The following PARD3 variants were observed in gnomAD, a reference collection of about 807,000 sequenced individuals.
PARD3 encodes par-3 family cell polarity regulator.
In PARD3, 75 loss-of-function variants were observed where a neutral mutation model predicts 155.4. That is an observed-to-expected ratio of 0.48 (90% CI 0.40 to 0.58). The LOEUF is 0.58. PARD3 is among the 20% of genes least tolerant of loss of function. The pLI, the probability that PARD3 is intolerant of heterozygous loss-of-function variation, is 0.00. For missense variants in PARD3, 1,642 were observed against 1,721.7 expected (o/e 0.95, Z 0.82); for synonymous variants, 576 against 610.5 (o/e 0.94, Z 0.83).
intron 2 of PARD3, among the ~76,000 whole-genome samples, chr10:34,548,210 CG>C (rs1400168353): frequency 6.6e-6 from 1 of 152,106 alleles, no homozygotes; most frequent in Non-Finnish European, 1.5e-5. Context: ...TATGGGCAGG[CG>C]GGCGTGGTGG....
chr10:34,341,544 A>C (rs1000358574), intron 16 of PARD3, 83 bp downstream of exon 16: 98 of 1,010,810 alleles, frequency 9.7e-5, no homozygotes, highest in Non-Finnish European at 1.3e-4. Context: ...AAAAATGATT[A>C]ACTGTATTTA....
At chr10:34,363,852 CT>C (rs1412321105) in intron 12 of PARD3, among the ~76,000 whole-genome samples, 3 of 152,186 alleles carry the variant, frequency 2.0e-5, no homozygotes, top group Non-Finnish European at 4.4e-5. Context: ...TCAGTTCTTC[CT>C]TTGCCCATTT....
At position 34,348,018 on chromosome 10, in the gene PARD3, A is replaced by G; in HGVS notation, c.2165T>C (p.Ile722Thr). 1 of 1,613,382 alleles carries G rather than the reference A, an allele frequency of 6.2e-7. No individual in the cohort carries two copies. Residue 722 changes from isoleucine (I) to threonine (T), a missense_variant, in exon 15 of 25, where the codon ATT (isoleucine) becomes ACT (threonine). Physicochemically the swap from Ile to Thr is moderately conservative, Grantham distance 89. Around this residue, in one of 3 missense-constraint regions of PARD3, gnomAD observed 1,529 missense variants for 1,587.3 expected, o/e 0.96. Transcript: ENST00000374788. ...RRISHSLYSG[I>T]EGLDESPSRN... ...GCTGGGCGATTCATCAAGCCCCTCAATCCCACTGTAGAGGGAATGGGAAAT... is the reference window on the plus strand; with the variant it reads ...GCTGGGCGATTCATCAAGCCCCTCAGTCCCACTGTAGAGGGAATGGGAAAT...
chr10:34,117,440 T>G (rs1366444860), intron 24 of PARD3, among the ~76,000 whole-genome samples: 1 of 150,642 alleles, frequency 6.6e-6, no homozygotes, highest in African/African-American at 2.4e-5. Context: ...TGGAGGGCAG[T>G]GGGGAGGGGG....
Position 34,111,168 on chromosome 10 carries a change from C to T in PARD3, c.*1G>A. The T allele has an allele frequency of 6.5e-7, 1 of 1,539,238 alleles. No homozygotes were observed. The highest frequency in any genetic ancestry group is 8.8e-7 in the Non-Finnish European group (1 of 1,142,572). Reference sequence around the variant, plus strand: ...ACATGAAGCATCCGTTATTTGCGTGCTCAGGAATAGAAGGGCCTCCCTTTC... The same window carrying T: ...ACATGAAGCATCCGTTATTTGCGTGTTCAGGAATAGAAGGGCCTCCCTTTC... On this transcript the variant is annotated 3_prime_UTR_variant, in exon 25 of 25. Coordinates refer to ENST00000374788, the MANE Select transcript of PARD3 (RefSeq NM_001184785.2).
At chr10:34,377,810 A>T (rs1447868525) in intron 10 of PARD3, among the ~76,000 whole-genome samples, 157 bp downstream of exon 10, 1 of 152,114 alleles carries the variant, frequency 6.6e-6, no homozygotes, top group Non-Finnish European at 1.5e-5. Context: ...TAACATGGAA[A>T]ATCTAAACAT....
intron 1 of PARD3, among the ~76,000 whole-genome samples, chr10:34,812,524 TAAGA>T (rs1844319652): frequency 6.6e-6 from 1 of 152,306 alleles, no homozygotes; most frequent in South Asian, 2.1e-4. Context: ...GGAAAAGTAG[TAAGA>T]AAGACTAAAA....
chr10:34,268,874 A>C (rs1955472949), intron 22 of PARD3, among the ~76,000 whole-genome samples: 1 of 152,176 alleles, frequency 6.6e-6, no homozygotes, highest in Non-Finnish European at 1.5e-5. Flanking sequence ...ACATGTATAC[A>C]TATGTACCAA....
chr10:34,782,481 T>A (rs991047114), intron 1 of PARD3, among the ~76,000 whole-genome samples: 1 of 152,168 alleles, frequency 6.6e-6, no homozygotes, highest in African/African-American at 2.4e-5. Context: ...TAAAATCAAC[T>A]CCACATCCAT....
At chr10:34,229,847 A>C (rs1055079657) in intron 22 of PARD3, among the ~76,000 whole-genome samples, 7 of 152,128 alleles carry the variant, frequency 4.6e-5, no homozygotes, top group Non-Finnish European at 1.0e-4. Context: ...CTGATGCAAC[A>C]AAGAAACATG....
chr10:34,770,750 A>G (rs1210918144), intron 1 of PARD3, among the ~76,000 whole-genome samples: 2 of 152,222 alleles, frequency 1.3e-5, no homozygotes, highest in Non-Finnish European at 2.9e-5. Flanking sequence ...GATAAATTGT[A>G]TCTTAAGTTC....
At chr10:34,443,069 C>T (rs1466919894) in intron 5 of PARD3, among the ~76,000 whole-genome samples, 3 of 151,878 alleles carry the variant, frequency 2.0e-5, no homozygotes, top group African/African-American at 4.8e-5. Context: ...AAAAACAACT[C>T]TGGTAAGTCG....
At chr10:34,346,531 G>A in intron 15 of PARD3, 2 of 1,272,572 alleles carry the variant, frequency 1.6e-6, no homozygotes, top group South Asian at 1.3e-5. Context: ...CTCTCTCAAG[G>A]GGACTGAAAT....
intron 1 of PARD3, among the ~76,000 whole-genome samples, chr10:34,783,928 G>C (rs1840602431): frequency 6.6e-6 from 1 of 152,030 alleles, no homozygotes. Flanking sequence ...AGTATTCTAG[G>C]CCAGGTACAG....
rs115776253 is a variant in PARD3, at chr10:34,578,802, C to A, written c.223-61643G>T. ...TACTTGTCTAACAGTGAGTTAACTA[C>A]CAGTCCTTGAATTATACATACTAAC... On this transcript the variant is annotated intron_variant, in intron 2 of 24. Transcript: ENST00000374788. Among the ~76,000 whole-genome samples the A allele has an allele frequency of 5.3e-3, 804 of 152,280 alleles. 1 individual carries two copies. Among genetic ancestry groups the A allele is most frequent in the African/African-American group, 0.018 (754 of 41,550 alleles).
chr10:34,748,857 T>C (rs987725768), intron 1 of PARD3, among the ~76,000 whole-genome samples: 1 of 152,200 alleles, frequency 6.6e-6, no homozygotes, highest in African/African-American at 2.4e-5. Context: ...GGACACATTA[T>C]AACATTCGGG....
intron 1 of PARD3, among the ~76,000 whole-genome samples, chr10:34,784,329 G>A (rs920714632): frequency 5.3e-5 from 8 of 151,764 alleles, no homozygotes; most frequent in African/African-American, 1.9e-4. Context: ...GAGACAGAAG[G>A]AGAAAAAAAG....
At chr10:34,542,039 C>G (rs549630727) in intron 2 of PARD3, among the ~76,000 whole-genome samples, 1 of 152,000 alleles carries the variant, frequency 6.6e-6, no homozygotes, top group Non-Finnish European at 1.5e-5. Context: ...CCGCCCCTGG[C>G]CTATGCACAT....
At chr10:34,638,679 T>G (rs1208461551) in intron 2 of PARD3, among the ~76,000 whole-genome samples, 1 of 152,172 alleles carries the variant, frequency 6.6e-6, no homozygotes, top group Non-Finnish European at 1.5e-5. Context: ...ACAAGAAAAG[T>G]ACTGCTTTCC....
Sources: allele counts gnomAD v4.1 joint callset (sites outside exome capture counted in the v4.1 genomes callset), GRCh38; gene constraint gnomAD v4.1.1; regional missense constraint gnomAD v4.1.1; transcripts MANE v1.5; gene names NCBI Gene and HGNC (gene_info 2026-07-23, HGNC 2026-07-21).